ADGRL3: variants seen among roughly 807,000 people sequenced by gnomAD.
ADGRL3 encodes adhesion G protein-coupled receptor L3.
ADGRL3 carries 62 observed loss-of-function variants against 153.5 expected under a neutral mutation model. The observed-to-expected ratio is 0.40, with a 90% CI of 0.33 to 0.50. The LOEUF (loss-of-function observed/expected upper bound fraction) is 0.50. Ranked by LOEUF, ADGRL3 falls within the 20% of genes least tolerant of loss-of-function variation. The pLI, the probability that ADGRL3 is intolerant of heterozygous loss-of-function variation, is 0.47. For synonymous variants in ADGRL3, 710 were observed against 672.5 expected, an observed-to-expected ratio of 1.06 and a Z score of -0.86; for missense variants, 1,641 against 1,859.4, an observed-to-expected ratio of 0.88 and a Z score of 2.16.
chr4:61,975,792 G>A (rs2099045776), intron 17 of ADGRL3, among the ~76,000 whole-genome samples: 1 of 152,092 alleles, frequency 6.6e-6, no homozygotes. Context: ...GTGCGTGAAG[G>A]AAATAGAGGA....
At chr4:61,308,249 T>A (rs2150469691) in intron 1 of ADGRL3, among the ~76,000 whole-genome samples, 1 of 152,206 alleles carries the variant, frequency 6.6e-6, no homozygotes, top group Non-Finnish European at 1.5e-5. Flanking sequence ...CTTCCACTCC[T>A]TTGAGAGAAG....
At chr4:61,405,897 C>G (rs1560582713) in intron 2 of ADGRL3, among the ~76,000 whole-genome samples, 2 of 151,942 alleles carry the variant, frequency 1.3e-5, no homozygotes, top group African/African-American at 4.8e-5. Context: ...TACTGCTAAA[C>G]CTACCAGAAA....
intron 6 of ADGRL3, among the ~76,000 whole-genome samples, chr4:61,704,362 T>C (rs541719524): frequency 1.7e-4 from 26 of 152,338 alleles, no homozygotes; most frequent in Admixed American, 8.5e-4. Context: ...ACCTAGTACA[T>C]ATAAAGGTAA....
chr4:61,414,810 T>C (rs2097128419), intron 2 of ADGRL3, among the ~76,000 whole-genome samples: 2 of 152,152 alleles, frequency 1.3e-5, no homozygotes, highest in South Asian at 4.1e-4. Flanking sequence ...TCATTTAGTG[T>C]CTTGTAAAGG....
intron 5 of ADGRL3, among the ~76,000 whole-genome samples, chr4:61,651,569 A>T (rs565757420): frequency 2.0e-5 from 3 of 152,066 alleles, no homozygotes; most frequent in African/African-American, 7.2e-5. Flanking sequence ...TGTTTTCAAA[A>T]TAAATAAATT....
chr4:61,202,398 G>C lies in ADGRL3; in HGVS notation c.-240+633G>C, dbSNP rs753561886. On this transcript the variant is annotated intron_variant, in intron 1 of 26. Transcript: ENST00000683033. This position sits in a 1 kb window ranked among gnomAD's most constrained non-coding sequence, Gnocchi z 5.0. ...GCCCTGCCTGTTGTGTCTCCTTCAC[G>C]GCAGTTTGGTTTAGACCTGCGTGCC... Among the ~76,000 whole-genome samples, 1 of 152,184 alleles carries C rather than the reference G, an allele frequency of 6.6e-6. No individual in the cohort carries two copies. Among genetic ancestry groups the C allele is most frequent in the African/African-American group, 2.4e-5 (1 of 41,462 alleles).
At chr4:61,537,524 G>A (rs2098664312) in intron 4 of ADGRL3, among the ~76,000 whole-genome samples, 1 of 151,790 alleles carries the variant, frequency 6.6e-6, no homozygotes. Flanking sequence ...AATAGGTTTG[G>A]TCACTTTAAA....
At chr4:61,909,366 G>T (rs189771353) in intron 11 of ADGRL3, among the ~76,000 whole-genome samples, 194 bp from the exon 12 acceptor site, 2 of 152,118 alleles carry the variant, frequency 1.3e-5, no homozygotes, top group African/African-American at 4.8e-5. Context: ...GAAGACATGC[G>T]TTTAAAGTCA....
At chr4:62,049,716 T>A (rs1582059975) in intron 25 of ADGRL3, among the ~76,000 whole-genome samples, 1 of 152,156 alleles carries the variant, frequency 6.6e-6, no homozygotes, top group African/African-American at 2.4e-5. Flanking sequence ...AGGGGAAAGA[T>A]GCTGCTATCA....
chr4:61,497,745 C>G (rs563096245), intron 3 of ADGRL3, among the ~76,000 whole-genome samples: 2 of 150,164 alleles, frequency 1.3e-5, no homozygotes, highest in South Asian at 4.2e-4. Context: ...AGGATGGTCT[C>G]GATTTCCTGA....
intron 9 of ADGRL3, among the ~76,000 whole-genome samples, chr4:61,870,157 T>A (rs1008364113): frequency 1.3e-5 from 2 of 151,898 alleles, no homozygotes; most frequent in Non-Finnish European, 2.9e-5. Context: ...GTTGCTTAGA[T>A]GATGGAAGGT....
chr4:61,277,850 T>G (rs2093543589), intron 1 of ADGRL3, among the ~76,000 whole-genome samples: 1 of 152,224 alleles, frequency 6.6e-6, no homozygotes, highest in Non-Finnish European at 1.5e-5. Context: ...CTATTGTTCA[T>G]ATTAGACCTA....
At chr4:61,510,686 G>A (rs572351000) in intron 3 of ADGRL3, among the ~76,000 whole-genome samples, 43 of 152,276 alleles carry the variant, frequency 2.8e-4, no homozygotes, top group Admixed American at 4.6e-4. Flanking sequence ...TTGACATTTG[G>A]CATTGTGATG....
At chr4:61,551,542 T>A (rs749642358) in intron 4 of ADGRL3, among the ~76,000 whole-genome samples, 9 of 152,188 alleles carry the variant, frequency 5.9e-5, no homozygotes, top group Non-Finnish European at 1.2e-4. Context: ...TTGGCATTTA[T>A]ACAAGCTGTG....
intron 10 of ADGRL3, among the ~76,000 whole-genome samples, chr4:61,894,049 C>T (rs1251086772): frequency 6.6e-6 from 1 of 152,056 alleles, no homozygotes; most frequent in Non-Finnish European, 1.5e-5. Flanking sequence ...TTCATAATAT[C>T]TTCACCTGTT....
intron 2 of ADGRL3, among the ~76,000 whole-genome samples, chr4:61,436,596 T>C (rs937504535): frequency 3.9e-5 from 6 of 152,230 alleles, no homozygotes; most frequent in East Asian, 1.9e-4. Context: ...CCAAAGTTCA[T>C]AGAGGAAAGA....
chr4:61,646,537 T>C (rs2093994130), intron 5 of ADGRL3, among the ~76,000 whole-genome samples: 1 of 150,800 alleles, frequency 6.6e-6, no homozygotes, highest in Non-Finnish European at 1.5e-5. Context: ...TACTGGGCCC[T>C]GTGAGGTGTC....
intron 23 of ADGRL3, among the ~76,000 whole-genome samples, chr4:62,035,508 A>G (rs1724502304): frequency 6.6e-6 from 1 of 151,960 alleles, no homozygotes; most frequent in Non-Finnish European, 1.5e-5. Context: ...TTGCAGGGGG[A>G]AGTTATGATC....
At chr4:61,711,329 T>C (rs2151470219) in intron 6 of ADGRL3, among the ~76,000 whole-genome samples, 1 of 151,512 alleles carries the variant, frequency 6.6e-6, no homozygotes, top group Non-Finnish European at 1.5e-5. Flanking sequence ...AATGTGGAAA[T>C]CCTGCACATA....
Sources: allele counts gnomAD v4.1 joint callset (sites outside exome capture counted in the v4.1 genomes callset), GRCh38; gene constraint gnomAD v4.1.1; non-coding constraint Gnocchi (gnomAD v3.1); transcripts MANE v1.5; gene names NCBI Gene and HGNC (gene_info 2026-07-23, HGNC 2026-07-21).